The following ATAD2B variants were observed in gnomAD, a reference collection of about 807,000 sequenced individuals.
ATAD2B encodes ATPase family AAA domain containing 2B.
ATAD2B carries 40 observed loss-of-function variants against 167.6 expected under a neutral mutation model. The ratio of observed to expected loss-of-function variants is 0.24; its 90% CI spans 0.19 to 0.31. The LOEUF is 0.31. Among genes scored for constraint, ATAD2B ranks in the 10% least tolerant of loss-of-function variants. The pLI is 1.00. For synonymous variants in ATAD2B, 579 were observed against 596.5 expected, an observed-to-expected ratio of 0.97 and a Z score of 0.43; for missense variants, 1,242 against 1,757.2, an observed-to-expected ratio of 0.71 and a Z score of 5.24.
chr2:23,746,533 C>A (rs1352179314), downstream of ATAD2B, among the ~76,000 whole-genome samples: 3 of 152,142 alleles, frequency 2.0e-5, no homozygotes, highest in Non-Finnish European at 2.9e-5. Context: ...ACTCTGTAGG[C>A]ACTGAATAAA....
intron 18 of ATAD2B, among the ~76,000 whole-genome samples, chr2:23,803,338 A>ACACGCG (rs756577548): frequency 1.3e-5 from 2 of 150,578 alleles, no homozygotes; most frequent in African/African-American, 2.4e-5. Context: ...ACACACACAC[A>ACACGCG]CGCGCACGCA....
At chr2:23,849,013 TA>T (rs36050095) in intron 13 of ATAD2B, among the ~76,000 whole-genome samples, 20,460 of 150,928 alleles carry the variant, frequency 0.14, 1,416 homozygotes, top group Middle Eastern at 0.22. Flanking sequence ...ATTGAGACTC[TA>T]AAAAAAAACT....
the ATAD2B span, among the ~76,000 whole-genome samples, chr2:23,734,442 G>A: frequency 1.4e-4 from 22 of 152,152 alleles, no homozygotes; most frequent in Admixed American, 5.9e-4. Flanking sequence ...TTACATGTGT[G>A]AGCCATCGTA....
chr2:23,926,499 C>T, intron 1 of ATAD2B, 56 bp downstream of exon 1: 1 of 1,518,070 alleles, frequency 6.6e-7, no homozygotes, highest in Non-Finnish European at 8.8e-7. Context: ...CAGACAAAGC[C>T]CCGGCAGCAG....
chr2:23,904,144 G>A (rs369602366), intron 1 of ATAD2B, among the ~76,000 whole-genome samples: 1 of 152,012 alleles, frequency 6.6e-6, no homozygotes, highest in Non-Finnish European at 1.5e-5. Flanking sequence ...ATGAAACATG[G>A]TCATAAAAGA....
chr2:23,704,916 ATAGC>A, the ATAD2B span, among the ~76,000 whole-genome samples: 6 of 152,252 alleles, frequency 3.9e-5, no homozygotes, highest in Admixed American at 3.3e-4. Flanking sequence ...TTTGTGTAGC[ATAGC>A]TAGAAAAGAT....
chr2:23,926,623 C>CGCGGGTCTTGGAGGA lies in ATAD2B; in HGVS notation c.133_147dup (p.Ser45_Arg49dup). 1 of 1,563,848 alleles carries CGCGGGTCTTGGAGGA rather than the reference C, an allele frequency of 6.4e-7. No homozygotes were observed. The highest frequency in any genetic ancestry group is 8.7e-7 in the Non-Finnish European group (1 of 1,155,622). On this transcript the variant is annotated inframe_insertion, in exon 1 of 28. Coordinates refer to ENST00000238789, the MANE Select transcript of ATAD2B (RefSeq NM_017552.4). ...GCTTTGGCGGCGGGGCAGCTGGCGG[C>CGCGGGTCTTGGAGGA]GCGGGTCTTGGAGGAGCGGGTCCGA...
rs372642527 is a variant in ATAD2B at position 23,888,236 on chromosome 2, T to C, written c.418+114A>G. On this transcript the variant is annotated intron_variant, in intron 3 of 27. Transcript: ENST00000238789. ...TTTTACTATGACTGAAATTCAGCCA[T>C]TTCCAACTGTATGCTCAGCACACTA... The C allele has an allele frequency of 9.8e-4, 778 of 795,378 alleles. 13 individuals are homozygous for C. In the South Asian group the frequency reaches 0.013, roughly 14 times the overall value. The allele number at this position is 795,378 out of a possible 1,614,324, so 49.3% of individuals were successfully genotyped here. A position where few individuals can be genotyped will look rare whatever the true frequency, so the allele number is the denominator to read the frequency against.
Position 23,885,783 on chromosome 2 carries a change from G to A in ATAD2B, c.619C>T (p.Arg207Trp), listed in dbSNP as rs777730036. The change falls in exon 5 of 28, where the codon CGG (arginine) becomes TGG (tryptophan). Residue 207 changes from arginine to tryptophan, a missense_variant. Around this residue, in one of 9 missense-constraint regions of ATAD2B, gnomAD observed 99 missense variants for 160.4 expected, o/e 0.62. Transcript: ENST00000238789. ...LQEMDNINIR[R>W]NRRSGEVERL... ...TCTACTTCTCCTGATCGACGATTCC[G>A]TCGGATGTTAATGTTGTCCATTTCC... 1.9e-6 allele frequency: 3 copies of A among 1,597,042 alleles called. No individual in the cohort carries two copies. Among genetic ancestry groups the A allele is most frequent in the South Asian group, 1.1e-5 (1 of 88,228 alleles).
the ATAD2B span, among the ~76,000 whole-genome samples, chr2:23,701,550 G>A: frequency 1.3e-4 from 20 of 152,062 alleles, no homozygotes; most frequent in African/African-American, 4.3e-4. Context: ...TCATCTCTAC[G>A]ACAAATCAAA....
intron 1 of ATAD2B, among the ~76,000 whole-genome samples, chr2:23,925,477 A>G (rs896456454): frequency 6.6e-6 from 1 of 152,344 alleles, no homozygotes. Flanking sequence ...CTTTCCCCCA[A>G]TAAGAACCAC....
At chr2:23,926,174 C>G (rs115177884) in intron 1 of ATAD2B, among the ~76,000 whole-genome samples, 188 of 152,330 alleles carry the variant, frequency 1.2e-3, no homozygotes, top group African/African-American at 4.3e-3. Context: ...TTTGACACCG[C>G]AGAAAACTTT....
intron 13 of ATAD2B, among the ~76,000 whole-genome samples, chr2:23,836,691 G>A (rs982308630): frequency 4.6e-5 from 7 of 152,080 alleles, no homozygotes; most frequent in African/African-American, 1.7e-4. Flanking sequence ...GCTCTCAGCA[G>A]AGAGGAGGTC....
At chr2:23,778,599 T>C (rs1014334259) in intron 22 of ATAD2B, among the ~76,000 whole-genome samples, 1 of 152,202 alleles carries the variant, frequency 6.6e-6, no homozygotes, top group African/African-American at 2.4e-5. Context: ...CACAAACAGC[T>C]AACCTTTATG....
intron 13 of ATAD2B, chr2:23,856,445 A>G: frequency 2.4e-6 from 1 of 416,282 alleles, no homozygotes; most frequent in Non-Finnish European, 4.9e-6. Context: ...CATAATAGCT[A>G]AAAATAGAAG....
chr2:23,800,089 A>AG (rs1683242452), intron 18 of ATAD2B: 1 of 151,798 alleles, frequency 6.6e-6, no homozygotes, highest in East Asian at 1.9e-4. Context: ...CTTATTTAAA[A>AG]AAAAAAAAAA....
chr2:23,753,628 G>A (rs978531652), intron 27 of ATAD2B, among the ~76,000 whole-genome samples: 1 of 152,186 alleles, frequency 6.6e-6, no homozygotes, highest in Non-Finnish European at 1.5e-5. Context: ...GAAAGGGAAT[G>A]TCTCATCTCT....
At chr2:23,877,668 T>G (rs1697109971) in intron 7 of ATAD2B, among the ~76,000 whole-genome samples, 1 of 150,298 alleles carries the variant, frequency 6.7e-6, no homozygotes. Flanking sequence ...GGTCAGGAGT[T>G]CAAGACCAGC....
At chr2:23,773,004 A>T (rs979820147) in intron 22 of ATAD2B, among the ~76,000 whole-genome samples, 1 of 152,292 alleles carries the variant, frequency 6.6e-6, no homozygotes, top group East Asian at 1.9e-4. Context: ...GGTCTCCCAA[A>T]GTGCTGGGAT....
Sources: gnomAD v4.1 joint callset for allele counts (sites outside exome capture counted in the v4.1 genomes callset) on GRCh38, gnomAD v4.1.1 for gene constraint, gnomAD v4.1.1 regional missense constraint, MANE v1.5 for transcripts, NCBI Gene and HGNC (gene_info 2026-07-23, HGNC 2026-07-21) for gene names.